The following DLG2 variants were observed in gnomAD, a reference collection of about 807,000 sequenced individuals.
DLG2 encodes disks large homolog 2.
A neutral mutation model predicts 132.5 loss-of-function variants in DLG2; 45 were observed. The observed-to-expected ratio is 0.34, with a 90% CI of 0.27 to 0.44. The LOEUF is 0.44. Among genes scored for constraint, DLG2 ranks in the 20% least tolerant of loss-of-function variants. The probability of loss-of-function intolerance (pLI) is 1.00; values close to 1 mark genes in which losing one functional copy is unlikely to be tolerated. For synonymous variants in DLG2, 424 were observed against 419.6 expected, an observed-to-expected ratio of 1.01 and a Z score of -0.13; for missense variants, 1,045 against 1,196.9, an observed-to-expected ratio of 0.87 and a Z score of 1.87.
intron 14 of DLG2, among the ~76,000 whole-genome samples, chr11:83,960,553 T>C (rs1047968847): frequency 1.1e-4 from 16 of 151,970 alleles, no homozygotes; most frequent in African/African-American, 3.4e-4. Context: ...AAAAAATTAA[T>C]AAATTAGGCT....
At chr11:84,821,981 T>G (rs1403433498) in intron 6 of DLG2, among the ~76,000 whole-genome samples, 5 of 151,864 alleles carry the variant, frequency 3.3e-5, no homozygotes, top group African/African-American at 1.2e-4. Context: ...AAAAATTCAC[T>G]GCCAAATGCT....
Position 83,462,039 on chromosome 11 carries a change from T to C in DLG2, c.2784A>G (p.Ala928=). The C allele has an allele frequency of 6.2e-7, 1 of 1,613,542 alleles. No individual in the cohort carries two copies. Among genetic ancestry groups the C allele is most frequent in the Non-Finnish European group, 8.5e-7 (1 of 1,179,460 alleles). ...EEQAKKTYDR[A]IKLEQEFGEY... The stretch of plus-strand genomic sequence containing the variant: ...CTCCAAATTCTTGTTCTAGCTTAAT[T>C]GCTCGATCATAGGTTTTCTTGGCTT... Residue 928 remains alanine (A), a synonymous_variant, in exon 27 of 28, where the codon GCA becomes GCG. Coordinates refer to ENST00000376104, the MANE Select transcript of DLG2 (RefSeq NM_001142699.3).
chr11:84,923,012 T>C, intron 6 of DLG2: 1 of 1,595,886 alleles, frequency 6.3e-7, no homozygotes, highest in Non-Finnish European at 8.6e-7. Context: ...CTACACAAGG[T>C]AGACATTTTC....
At chr11:84,926,810 C>A (rs928406720) in intron 6 of DLG2, among the ~76,000 whole-genome samples, 2 of 151,998 alleles carry the variant, frequency 1.3e-5, no homozygotes, top group African/African-American at 4.8e-5. Flanking sequence ...CCCCATTGCA[C>A]TCCATGAGCA....
chr11:84,933,624 T>C (rs2048349241), intron 6 of DLG2, among the ~76,000 whole-genome samples: 2 of 152,172 alleles, frequency 1.3e-5, no homozygotes. Flanking sequence ...TTGGTGGCAG[T>C]TGTGAATGGG....
chr11:85,160,030 T>G (rs1273462261), intron 4 of DLG2, among the ~76,000 whole-genome samples: 1 of 152,182 alleles, frequency 6.6e-6, no homozygotes, highest in Non-Finnish European at 1.5e-5. Context: ...TCTACCTCAG[T>G]AAAATTCTTA....
intron 14 of DLG2, among the ~76,000 whole-genome samples, chr11:83,940,417 C>T (rs893388377): frequency 6.6e-6 from 1 of 152,172 alleles, no homozygotes; most frequent in African/African-American, 2.4e-5. Context: ...TGGCCCTGTG[C>T]TACATATGCT....
intron 3 of DLG2, among the ~76,000 whole-genome samples, chr11:85,543,992 A>T (rs2153212783): frequency 6.6e-6 from 1 of 152,182 alleles, no homozygotes; most frequent in South Asian, 2.1e-4. Context: ...TCTTTAGTAT[A>T]ATTAGATCCC....
At chr11:85,199,360 G>T (rs1257540220) in intron 4 of DLG2, among the ~76,000 whole-genome samples, 2 of 152,084 alleles carry the variant, frequency 1.3e-5, no homozygotes, top group Non-Finnish European at 2.9e-5. Context: ...CTAATCCCCA[G>T]GGACAAAAAT....
At chr11:84,287,358 C>A (rs753824963) in intron 7 of DLG2, among the ~76,000 whole-genome samples, 1 of 152,036 alleles carries the variant, frequency 6.6e-6, no homozygotes, top group Admixed American at 6.5e-5. Flanking sequence ...AAACTGAGAT[C>A]TAGACTAGTT....
chr11:83,784,793 G>A (rs745452997), intron 18 of DLG2, among the ~76,000 whole-genome samples: 7 of 152,124 alleles, frequency 4.6e-5, no homozygotes, highest in African/African-American at 9.7e-5. Context: ...GATCACTATC[G>A]AGAGCTTCTA....
chr11:85,266,795 C>T (rs2077240424), intron 4 of DLG2, among the ~76,000 whole-genome samples: 1 of 152,290 alleles, frequency 6.6e-6, no homozygotes, highest in East Asian at 1.9e-4. Flanking sequence ...TTCTTTTACT[C>T]AGAACCCTCA....
intron 21 of DLG2, among the ~76,000 whole-genome samples, chr11:83,500,072 A>G (rs2094390267): frequency 6.6e-6 from 1 of 151,244 alleles, no homozygotes; most frequent in South Asian, 2.1e-4. Flanking sequence ...ACTCCCCTCC[A>G]TAGCAGAACT....
At chr11:84,945,902 G>A (rs990535050) in intron 6 of DLG2, among the ~76,000 whole-genome samples, 5 of 152,082 alleles carry the variant, frequency 3.3e-5, no homozygotes, top group African/African-American at 1.2e-4. Flanking sequence ...CTGCAGCTGA[G>A]CTGGTACCTT....
intron 3 of DLG2, among the ~76,000 whole-genome samples, chr11:85,483,457 A>G (rs1187176827): frequency 2.0e-5 from 3 of 152,234 alleles, no homozygotes; most frequent in Non-Finnish European, 2.9e-5. Flanking sequence ...CAACAGCCCT[A>G]TCTTACAAGA....
chr11:85,397,605 C>CA (rs1001503214), intron 3 of DLG2, among the ~76,000 whole-genome samples: 10 of 150,990 alleles, frequency 6.6e-5, no homozygotes, highest in African/African-American at 1.9e-4. Context: ...AAATGGAAAG[C>CA]AAAAAAAAGC....
At position 85,598,783 on chromosome 11, in the gene DLG2, C is replaced by A; in HGVS notation, c.-87G>T. 2.9e-6 allele frequency: 3 copies of A among 1,042,222 alleles called. No homozygotes were observed. Among genetic ancestry groups the A allele is most frequent in the South Asian group, 3.6e-5 (2 of 55,162 alleles). The allele number at this position is 1,042,222 out of a possible 1,614,324, so 64.6% of individuals were successfully genotyped here. ...TCTTCCAGTAATGATAAAGCTCGGT[C>A]AGTATCTGAAAAACATGATATTATT... On this transcript the variant is annotated 5_prime_UTR_variant, in exon 3 of 28. Transcript: ENST00000376104.
chr11:85,081,867 G>C lies in DLG2; in HGVS notation c.357+29794C>G, dbSNP rs1011893186. ...ATAAAGAAATCATCTGACCTTACTT[G>C]TTGTTTGTAAATTATGAGACCCCTG... On this transcript the variant is annotated intron_variant, in intron 6 of 27. Coordinates refer to ENST00000376104, the MANE Select transcript of DLG2 (RefSeq NM_001142699.3). Among the ~76,000 whole-genome samples the C allele has an allele frequency of 2.0e-5, 3 of 152,014 alleles. 1 individual carries two copies. The South Asian group carries it at 6.2e-4, about 32-fold the overall frequency.
chr11:84,220,160 C>T (rs2096893793), intron 8 of DLG2, among the ~76,000 whole-genome samples: 1 of 152,154 alleles, frequency 6.6e-6, no homozygotes, highest in South Asian at 2.1e-4. Flanking sequence ...ATTCATTCCA[C>T]AAATATTCAT....
Sources: gnomAD v4.1 joint callset for allele counts (sites outside exome capture counted in the v4.1 genomes callset) on GRCh38, gnomAD v4.1.1 for gene constraint, MANE v1.5 for transcripts, NCBI Gene and HGNC (gene_info 2026-07-23, HGNC 2026-07-21) for gene names.